The following KCNH7 variants were observed in gnomAD, a reference collection of about 807,000 sequenced individuals.
KCNH7 encodes voltage-gated inwardly rectifying potassium channel KCNH7.
Under a neutral mutation model 120.8 loss-of-function variants are expected in KCNH7, and 49 were observed. That is an observed-to-expected ratio of 0.41 (90% CI 0.32 to 0.51). The LOEUF is 0.51. Among genes scored for constraint, KCNH7 ranks in the 20% least tolerant of loss-of-function variants. The pLI is 0.38. For synonymous variants in KCNH7, 547 were observed against 516.1 expected (o/e 1.06, Z -0.81); for missense variants, 1,097 against 1,446.6 (o/e 0.76, Z 3.92).
At chr2:162,415,054 A>C (rs1377061248) in intron 9 of KCNH7, among the ~76,000 whole-genome samples, 1 of 152,096 alleles carries the variant, frequency 6.6e-6, no homozygotes. Context: ...AACAATGTAT[A>C]GCTAATCACT....
intron 2 of KCNH7, among the ~76,000 whole-genome samples, chr2:162,728,368 T>C (rs1687602612): frequency 6.6e-6 from 1 of 152,200 alleles, no homozygotes; most frequent in South Asian, 2.1e-4. Flanking sequence ...TTTTTATATT[T>C]TCTTTATATA....
At chr2:162,416,460 C>T (rs2105476085) in intron 9 of KCNH7, among the ~76,000 whole-genome samples, 1 of 151,270 alleles carries the variant, frequency 6.6e-6, no homozygotes, top group South Asian at 2.1e-4. Context: ...TCTTGGAAAA[C>T]ACATTTTCCT....
At chr2:162,423,095 T>C (rs1232234841) in intron 9 of KCNH7, among the ~76,000 whole-genome samples, 1 of 152,184 alleles carries the variant, frequency 6.6e-6, no homozygotes, top group African/African-American at 2.4e-5. Context: ...GGAACTCTAC[T>C]ACACACAGTT....
chr2:162,436,272 C>G (rs770837791), intron 7 of KCNH7, among the ~76,000 whole-genome samples: 2 of 152,108 alleles, frequency 1.3e-5, no homozygotes, highest in Non-Finnish European at 2.9e-5. Context: ...CAAGCCCCTT[C>G]TTCCCATAAC....
rs1171553735 is a variant in KCNH7, at chr2:162,504,458, A to G, written c.1113T>C (p.Thr371=). The G allele has an allele frequency of 2.5e-6, 4 of 1,612,090 alleles. No individual in the cohort carries two copies. Among genetic ancestry groups the G allele is most frequent in the Non-Finnish European group, 3.4e-6 (4 of 1,178,458 alleles). Residue 371 remains threonine, a synonymous_variant, in exon 6 of 16, where the codon ACT becomes ACC. Coordinates refer to ENST00000332142, the MANE Select transcript of KCNH7 (RefSeq NM_033272.4). ...TGTGTCCTACCTGGGTCACTTTCTC[A>G]GTCACATTGTGTGTTCGATCTTTAA... ...PKVKDRTHNV[T]EKVTQVLSLG... is the part of the protein sequence containing the mutation.
intron 2 of KCNH7, among the ~76,000 whole-genome samples, chr2:162,721,890 G>C (rs780034221): frequency 1.3e-5 from 2 of 151,988 alleles, no homozygotes; most frequent in Non-Finnish European, 2.9e-5. Flanking sequence ...ATAACTTTAA[G>C]TCCTACAAAG....
Position 162,568,214 on chromosome 2 carries a change from C to A in KCNH7, c.308-31134G>T, listed in dbSNP as rs151179629. Among the ~76,000 whole-genome samples the A allele has an allele frequency of 4.2e-3, 636 of 152,040 alleles. 13 individuals carry two copies. The highest frequency in any genetic ancestry group is 0.014 in the African/African-American group (593 of 41,460). Reference sequence around the variant, plus strand: ...ATCACGAGAACAACATGGGGGGAACCACCCCCATGATTCAATTAGCTCCCC... The same window carrying A: ...ATCACGAGAACAACATGGGGGGAACAACCCCCATGATTCAATTAGCTCCCC... On this transcript the variant is annotated intron_variant, in intron 2 of 15. Coordinates refer to ENST00000332142, the MANE Select transcript of KCNH7 (RefSeq NM_033272.4).
At chr2:162,593,329 A>G (rs1023405022) in intron 2 of KCNH7, among the ~76,000 whole-genome samples, 1 of 152,102 alleles carries the variant, frequency 6.6e-6, no homozygotes, top group Non-Finnish European at 1.5e-5. Flanking sequence ...TAATATAGGC[A>G]GACAGAAGTG....
intron 2 of KCNH7, among the ~76,000 whole-genome samples, chr2:162,576,451 G>C (rs562595408): frequency 6.6e-6 from 1 of 152,146 alleles, no homozygotes; most frequent in East Asian, 1.9e-4. Context: ...GAAATACTTG[G>C]AATTGGACCT....
intron 2 of KCNH7, among the ~76,000 whole-genome samples, chr2:162,811,832 C>T (rs1238116765): frequency 6.6e-6 from 1 of 152,024 alleles, no homozygotes; most frequent in African/African-American, 2.4e-5. Flanking sequence ...CAGAAACTAG[C>T]ACTGCATGAT....
chr2:162,815,539 A>G (rs912967565), intron 2 of KCNH7, among the ~76,000 whole-genome samples: 2 of 152,244 alleles, frequency 1.3e-5, no homozygotes, highest in African/African-American at 4.8e-5. Context: ...TAAAGAATAA[A>G]AGAAAGTGAG....
At chr2:162,559,412 T>G (rs1218141423) in intron 2 of KCNH7, among the ~76,000 whole-genome samples, 4 of 152,130 alleles carry the variant, frequency 2.6e-5, no homozygotes, top group African/African-American at 9.7e-5. Context: ...GATAAAGGTG[T>G]TAAATTATGC....
At chr2:162,686,203 C>T (rs940318724) in intron 2 of KCNH7, among the ~76,000 whole-genome samples, 1 of 152,042 alleles carries the variant, frequency 6.6e-6, no homozygotes, top group East Asian at 1.9e-4. Flanking sequence ...GAGTTAAGCT[C>T]TAATTCATTA....
intron 2 of KCNH7, among the ~76,000 whole-genome samples, chr2:162,667,957 A>G (rs1685203738): frequency 6.6e-6 from 1 of 152,196 alleles, no homozygotes; most frequent in Non-Finnish European, 1.5e-5. Context: ...ATTAAAGTAG[A>G]TAACATTGTT....
At chr2:162,381,852 G>T (rs184363590) in intron 13 of KCNH7, among the ~76,000 whole-genome samples, 1 of 152,026 alleles carries the variant, frequency 6.6e-6, no homozygotes, top group Non-Finnish European at 1.5e-5. Flanking sequence ...ATTCACAGAC[G>T]TTTGAACCTG....
chr2:162,396,532 A>G (rs1321153879), intron 11 of KCNH7, among the ~76,000 whole-genome samples: 1 of 151,840 alleles, frequency 6.6e-6, no homozygotes, highest in Non-Finnish European at 1.5e-5. Context: ...AACTACTTGA[A>G]ATTATTCAAC....
rs559436971 is a variant in KCNH7 at position 162,692,079 on chromosome 2, T to C, written c.307+144458A>G. Among the ~76,000 whole-genome samples, 9 of 152,246 alleles carry C rather than the reference T, an allele frequency of 5.9e-5. No individual in the cohort carries two copies. In the South Asian group the frequency reaches 1.5e-3, roughly 25 times the overall value. ...TCTATTTATCATTAAGACAATGACATTGGCATTGTGTAAGGGAAATTAATG... is the reference window on the plus strand; with the variant it reads ...TCTATTTATCATTAAGACAATGACACTGGCATTGTGTAAGGGAAATTAATG... On this transcript the variant is annotated intron_variant, in intron 2 of 15. Transcript: ENST00000332142.
chr2:162,800,864 T>C (rs1297478443), intron 2 of KCNH7, among the ~76,000 whole-genome samples: 1 of 151,882 alleles, frequency 6.6e-6, no homozygotes, highest in Non-Finnish European at 1.5e-5. Context: ...TGTAGTCTTA[T>C]CCTATTTGTT....
chr2:162,559,776 C>G (rs1038213886), intron 2 of KCNH7, among the ~76,000 whole-genome samples: 6 of 152,132 alleles, frequency 3.9e-5, no homozygotes, highest in Non-Finnish European at 7.4e-5. Context: ...AACTATATAC[C>G]TGAGCTATAG....
Sources: gnomAD v4.1 joint callset for allele counts (sites outside exome capture counted in the v4.1 genomes callset) on GRCh38, gnomAD v4.1.1 for gene constraint, MANE v1.5 for transcripts, NCBI Gene and HGNC (gene_info 2026-07-23, HGNC 2026-07-21) for gene names.